Variants in RPS6KC1 observed in about 807,000 individuals in gnomAD.
RPS6KC1 encodes the protein inactive ribosomal protein S6 kinase delta-1.
In RPS6KC1, 54 loss-of-function variants were observed where a neutral mutation model predicts 103.8. The observed-to-expected ratio is 0.52, with a 90% CI of 0.42 to 0.65. The LOEUF (loss-of-function observed/expected upper bound fraction) is 0.65. RPS6KC1 is among the 30% of genes least tolerant of loss of function. RPS6KC1 has a pLI of 0.00. For synonymous variants in RPS6KC1, 439 were observed against 438.7 expected, an observed-to-expected ratio of 1.00 and a Z score of -0.01; for missense variants, 1,151 against 1,253.8, an observed-to-expected ratio of 0.92 and a Z score of 1.24.
At chr1:213,282,407 A>G in the RPS6KC1 span, among the ~76,000 whole-genome samples, 1 of 152,218 alleles carries the variant, frequency 6.6e-6, no homozygotes, top group Admixed American at 6.5e-5. Flanking sequence ...GAACTCCTTG[A>G]AAGAGAAACA....
At chr1:213,603,864 A>G in the RPS6KC1 span, among the ~76,000 whole-genome samples, 1 of 152,094 alleles carries the variant, frequency 6.6e-6, no homozygotes, top group African/African-American at 2.4e-5. Flanking sequence ...TGTCTCAAAA[A>G]AAGAAAAACA....
intron 7 of RPS6KC1, among the ~76,000 whole-genome samples, chr1:213,171,609 T>G (rs1303759756): frequency 6.6e-6 from 1 of 152,222 alleles, no homozygotes. Context: ...GTAGAATGTG[T>G]GCCTTTCCTG....
At chr1:213,419,252 G>T in the RPS6KC1 span, among the ~76,000 whole-genome samples, 3 of 152,184 alleles carry the variant, frequency 2.0e-5, no homozygotes, top group Admixed American at 6.5e-5. Context: ...AGCAGCAAAA[G>T]GTCCCATCCA....
At chr1:213,766,325 G>T in the RPS6KC1 span, among the ~76,000 whole-genome samples, 1 of 152,228 alleles carries the variant, frequency 6.6e-6, no homozygotes, top group East Asian at 1.9e-4. Flanking sequence ...GGGACAGGAA[G>T]TCAGTTGCTC....
At chr1:213,619,394 T>A in the RPS6KC1 span, among the ~76,000 whole-genome samples, 1 of 152,176 alleles carries the variant, frequency 6.6e-6, no homozygotes, top group East Asian at 1.9e-4. Flanking sequence ...TGGCTGCTTA[T>A]AAAAAATAAC....
chr1:213,380,444 T>C, the RPS6KC1 span, among the ~76,000 whole-genome samples: 1 of 152,134 alleles, frequency 6.6e-6, no homozygotes, highest in Non-Finnish European at 1.5e-5. Context: ...TGTTTACCTG[T>C]GTAACAAACC....
At chr1:213,695,892 C>A in the RPS6KC1 span, among the ~76,000 whole-genome samples, 1 of 152,116 alleles carries the variant, frequency 6.6e-6, no homozygotes, top group Admixed American at 6.6e-5. Context: ...AGTAGAAAAC[C>A]CAAAGAATAT....
the RPS6KC1 span, among the ~76,000 whole-genome samples, chr1:213,366,719 TA>T: frequency 1.3e-5 from 2 of 152,262 alleles, no homozygotes; most frequent in South Asian, 4.1e-4. Flanking sequence ...CATCTGGGTC[TA>T]GAGCCCACCC....
At chr1:213,159,483 C>A (rs927647149) in intron 6 of RPS6KC1, among the ~76,000 whole-genome samples, 11 of 152,172 alleles carry the variant, frequency 7.2e-5, no homozygotes, top group African/African-American at 2.4e-4. Context: ...TTGCAACAAA[C>A]ACATCATCAT....
chr1:213,370,282 A>ATTTTATTTTAT, the RPS6KC1 span, among the ~76,000 whole-genome samples: 16 of 149,264 alleles, frequency 1.1e-4, no homozygotes, highest in Non-Finnish European at 1.8e-4. Context: ...ATTTTATTTT[A>ATTTTATTTTAT]TTTTTTTTGC....
intron 12 of RPS6KC1, among the ~76,000 whole-genome samples, chr1:213,253,796 C>T (rs974101599): frequency 6.6e-6 from 1 of 152,132 alleles, no homozygotes. Context: ...TTTCCTTTCC[C>T]ATCGCTATAT....
chr1:213,401,484 CG>C, the RPS6KC1 span, among the ~76,000 whole-genome samples: 1 of 152,174 alleles, frequency 6.6e-6, no homozygotes, highest in Non-Finnish European at 1.5e-5. Context: ...GCCCCCTGGC[CG>C]GTGGAGTGTG....
chr1:213,055,378 C>T (rs2077253195), intron 1 of RPS6KC1, among the ~76,000 whole-genome samples: 1 of 151,900 alleles, frequency 6.6e-6, no homozygotes, highest in South Asian at 2.1e-4. Flanking sequence ...GAGATTTATC[C>T]ATGTTGTCAT....
the RPS6KC1 span, among the ~76,000 whole-genome samples, chr1:213,727,976 C>G: frequency 6.6e-6 from 1 of 152,112 alleles, no homozygotes; most frequent in Non-Finnish European, 1.5e-5. Flanking sequence ...ACGCATCTAT[C>G]AGACTCAGGA....
At chr1:213,369,768 C>T in the RPS6KC1 span, among the ~76,000 whole-genome samples, 1 of 152,334 alleles carries the variant, frequency 6.6e-6, no homozygotes, top group African/African-American at 2.4e-5. Flanking sequence ...AGGGAACCTC[C>T]AAGGACAAGT....
At chr1:213,268,192 G>T (rs1478484999) in intron 14 of RPS6KC1, among the ~76,000 whole-genome samples, 2 of 151,756 alleles carry the variant, frequency 1.3e-5, no homozygotes, top group African/African-American at 4.8e-5. Context: ...AACAGTAAAA[G>T]GAAAATAACT....
chr1:213,339,683 T>C, the RPS6KC1 span, among the ~76,000 whole-genome samples: 1 of 152,218 alleles, frequency 6.6e-6, no homozygotes, highest in Admixed American at 6.5e-5. Context: ...AAGCAATCGT[T>C]ATCGTGCCTA....
chr1:213,221,233 T>G (rs1303929237), intron 8 of RPS6KC1, among the ~76,000 whole-genome samples: 2 of 152,126 alleles, frequency 1.3e-5, no homozygotes, highest in African/African-American at 4.8e-5. Context: ...GGCTTAAGTA[T>G]ATTCCATTAG....
chr1:213,207,166 G>T (rs2093373773), intron 8 of RPS6KC1, among the ~76,000 whole-genome samples: 1 of 152,118 alleles, frequency 6.6e-6, no homozygotes. Flanking sequence ...CACTGCTTTG[G>T]CATATTTTGA....
Sources: allele counts gnomAD v4.1 joint callset (sites outside exome capture counted in the v4.1 genomes callset), GRCh38; gene constraint gnomAD v4.1.1; transcripts MANE v1.5; gene names NCBI Gene and HGNC (gene_info 2026-07-23, HGNC 2026-07-21).